HMBOX1: variants seen among roughly 807,000 people sequenced by gnomAD.
The protein encoded by HMBOX1 is homeobox-containing protein 1.
HMBOX1 carries 14 observed loss-of-function variants against 54.5 expected under a neutral mutation model. The observed-to-expected ratio is 0.26, with a 90% CI of 0.17 to 0.40. The LOEUF (loss-of-function observed/expected upper bound fraction) is 0.40. Among genes scored for constraint, HMBOX1 ranks in the 10% least tolerant of loss-of-function variants. HMBOX1 has a pLI of 1.00. For missense variants in HMBOX1, 332 were observed against 514.4 expected (o/e 0.65, Z 3.43); for synonymous variants, 160 against 181.0 (o/e 0.88, Z 0.93).
intron 1 of HMBOX1, among the ~76,000 whole-genome samples, chr8:28,945,515 A>G (rs1297682572): frequency 6.6e-6 from 1 of 152,248 alleles, no homozygotes; most frequent in Non-Finnish European, 1.5e-5. Flanking sequence ...AGTATAACAG[A>G]AAGAGAAGGT....
intron 6 of HMBOX1, among the ~76,000 whole-genome samples, chr8:29,033,693 C>T (rs1023850977): frequency 6.6e-6 from 1 of 152,144 alleles, no homozygotes; most frequent in Non-Finnish European, 1.5e-5. Flanking sequence ...AAATGGCATA[C>T]CCCTTATTTC....
rs201114085 is a variant in HMBOX1 at position 29,049,060 on chromosome 8, C to G, written c.1125+12C>G. The G allele has an allele frequency of 5.6e-5, 90 of 1,609,246 alleles. No individual in the cohort carries two copies. The highest frequency in any genetic ancestry group is 7.3e-5 in the Non-Finnish European group (86 of 1,176,364). ...ACTACTCTGAGCAGGTGAGCCCCTG[C>G]GCAGCTGGGCGAGGTTCTTGGTGCC... On this transcript the variant is annotated intron_variant, in intron 9 of 9. Transcript: ENST00000287701.
chr8:28,966,555 T>A (rs1409274890), intron 2 of HMBOX1, among the ~76,000 whole-genome samples: 2 of 152,194 alleles, frequency 1.3e-5, no homozygotes, highest in Admixed American at 1.3e-4. Flanking sequence ...CCTTTGTAGG[T>A]CATTTACTGC....
chr8:28,996,630 GT>G lies in HMBOX1; in HGVS notation c.587-12438del, dbSNP rs1157069054. On this transcript the variant is annotated intron_variant, in intron 4 of 9. Transcript: ENST00000287701. The stretch of plus-strand genomic sequence containing the variant: ...TTTTAGTTTTGATGAAGTGTATATT[GT>G]TTTGTTGTTTTGTTTTTGCTTTTAG... 3.3e-5 allele frequency among the ~76,000 whole-genome samples: 5 copies of G among 152,244 alleles called. No homozygotes were observed. The East Asian group carries it at 9.6e-4, about 29-fold the overall frequency.
At chr8:28,990,725 G>A (rs562921039) in intron 4 of HMBOX1, among the ~76,000 whole-genome samples, 2 of 151,814 alleles carry the variant, frequency 1.3e-5, no homozygotes, top group East Asian at 1.9e-4. Context: ...GCGCAATCTC[G>A]GCTCACTGCA....
At chr8:28,963,924 A>G in intron 2 of HMBOX1, 34 bp downstream of exon 2, 1 of 1,531,088 alleles carries the variant, frequency 6.5e-7, no homozygotes, top group Non-Finnish European at 9.0e-7. Flanking sequence ...TTTTATCTTC[A>G]CAATCATTTT....
intron 1 of HMBOX1, among the ~76,000 whole-genome samples, chr8:28,899,158 T>C (rs1453217025): frequency 6.6e-6 from 1 of 152,194 alleles, no homozygotes; most frequent in African/African-American, 2.4e-5. Context: ...CTATAAGAAC[T>C]AGCTAGGATT....
intron 5 of HMBOX1, chr8:29,009,997 T>C: frequency 1.0e-6 from 1 of 984,348 alleles, no homozygotes; most frequent in Non-Finnish European, 1.2e-6. Flanking sequence ...TATTGCATAA[T>C]AATAGCATTG....
intron 4 of HMBOX1, among the ~76,000 whole-genome samples, chr8:28,996,437 C>T (rs923432753): frequency 7.9e-5 from 12 of 151,938 alleles, no homozygotes; most frequent in Non-Finnish European, 1.2e-4. Flanking sequence ...TCTTGGCTAA[C>T]GTGATGAAAC....
At chr8:28,971,775 G>T (rs1054037195) in intron 3 of HMBOX1, among the ~76,000 whole-genome samples, 1 of 152,036 alleles carries the variant, frequency 6.6e-6, no homozygotes, top group Non-Finnish European at 1.5e-5. Context: ...GAATTGAGGA[G>T]TTTTGTAAAA....
At chr8:28,995,332 T>C (rs1441756067) in intron 4 of HMBOX1, among the ~76,000 whole-genome samples, 1 of 152,236 alleles carries the variant, frequency 6.6e-6, no homozygotes, top group Non-Finnish European at 1.5e-5. Flanking sequence ...ACCCATGTTA[T>C]AGCATGCATC....
intron 1 of HMBOX1, among the ~76,000 whole-genome samples, chr8:28,951,916 C>G (rs1181751596): frequency 1.3e-5 from 2 of 151,930 alleles, no homozygotes; most frequent in Non-Finnish European, 2.9e-5. Context: ...ACCTGTAATC[C>G]CAGCACTTTA....
intron 9 of HMBOX1, 135 bp downstream of exon 9, chr8:29,049,183 C>A: frequency 6.7e-7 from 1 of 1,495,484 alleles, no homozygotes; most frequent in Non-Finnish European, 9.0e-7. Flanking sequence ...GCTCCTGTGT[C>A]TAGTTAGATT....
At chr8:29,044,508 A>C (rs1014652275) in intron 6 of HMBOX1, among the ~76,000 whole-genome samples, 2 of 152,130 alleles carry the variant, frequency 1.3e-5, no homozygotes, top group Non-Finnish European at 2.9e-5. Flanking sequence ...TGCAAAAGTA[A>C]TACATACTTT....
chr8:28,929,623 T>C (rs1446269275), intron 1 of HMBOX1, among the ~76,000 whole-genome samples: 2 of 152,194 alleles, frequency 1.3e-5, no homozygotes, highest in Non-Finnish European at 2.9e-5. Context: ...GGATGGTTGT[T>C]ATTGTTTATT....
At chr8:28,905,152 A>G (rs1452056940) in intron 1 of HMBOX1, among the ~76,000 whole-genome samples, 3 of 152,184 alleles carry the variant, frequency 2.0e-5, no homozygotes, top group African/African-American at 7.2e-5. Flanking sequence ...AATCTAGAGA[A>G]TATTGGTTGA....
intron 3 of HMBOX1, among the ~76,000 whole-genome samples, chr8:28,974,429 T>TAC (rs1246825867): frequency 6.6e-6 from 1 of 152,210 alleles, no homozygotes; most frequent in Non-Finnish European, 1.5e-5. Context: ...GTGTTTCATG[T>TAC]ACATATTATG....
chr8:28,947,594 T>C (rs1822701188), intron 1 of HMBOX1, among the ~76,000 whole-genome samples: 1 of 152,182 alleles, frequency 6.6e-6, no homozygotes, highest in African/African-American at 2.4e-5. Flanking sequence ...AAATAATGTC[T>C]CAAGTAACCT....
intron 1 of HMBOX1, among the ~76,000 whole-genome samples, chr8:28,897,852 C>T (rs1812468871): frequency 1.3e-5 from 2 of 152,124 alleles, no homozygotes; most frequent in South Asian, 4.1e-4. Context: ...TGATTGTCAG[C>T]ATATGTCATA....
Sources: gnomAD v4.1 joint callset for allele counts (sites outside exome capture counted in the v4.1 genomes callset) on GRCh38, gnomAD v4.1.1 for gene constraint, MANE v1.5 for transcripts, NCBI Gene and HGNC (gene_info 2026-07-23, HGNC 2026-07-21) for gene names.